The following AIFM2 variants were observed in gnomAD, a reference collection of about 807,000 sequenced individuals.
AIFM2 encodes the protein ferroptosis suppressor protein 1.
A neutral mutation model predicts 35.7 loss-of-function variants in AIFM2; 38 were observed. That is an observed-to-expected ratio of 1.06 (90% CI 0.82 to 1.39). The LOEUF (loss-of-function observed/expected upper bound fraction) is 1.39. Among genes scored for constraint, AIFM2 ranks in the 40% most tolerant of loss-of-function variants. AIFM2 has a pLI of 0.00. For synonymous variants in AIFM2, 185 were observed against 203.5 expected (o/e 0.91, Z 0.77); for missense variants, 476 against 491.2 (o/e 0.97, Z 0.29).
Position 70,114,243 on chromosome 10 carries a change from GCCGA to G in AIFM2, c.1053_1056del (p.Arg352Ter). The G allele has an allele frequency of 6.2e-7, 1 of 1,613,876 alleles. No homozygotes were observed. Among genetic ancestry groups the G allele is most frequent in the Non-Finnish European group, 8.5e-7 (1 of 1,180,018 alleles). ...ACGAACAGGTCCCGGCTCTTGGTCA[GCCGA>G]ACCATGAGCCGGCCCACATAGAAGC... On this transcript the variant is annotated frameshift_variant, in exon 9 of 9. Transcript: ENST00000307864. LOFTEE classifies it high-confidence loss of function.
chr10:70,114,108 A>C lies in AIFM2; in HGVS notation c.*70T>G. ...AATAGCATTAGTTCTAGCACTTGCC[A>C]GGCGGGTGCCATGCGCCAAGCAGTC... is the stretch of plus-strand genomic sequence containing the variant. On this transcript the variant is annotated 3_prime_UTR_variant, in exon 9 of 9. Coordinates refer to ENST00000307864, the MANE Select transcript of AIFM2 (RefSeq NM_032797.6). 1 of 1,527,288 alleles carries C rather than the reference A, an allele frequency of 6.5e-7. No homozygotes were observed. Among genetic ancestry groups the C allele is most frequent in the South Asian group, 1.3e-5 (1 of 79,004 alleles). The allele number at this position is 1,527,288 out of a possible 1,614,324, so 94.6% of individuals were successfully genotyped here.
intron 1 of AIFM2, among the ~76,000 whole-genome samples, chr10:70,132,345 C>T (rs1316481628): frequency 6.6e-6 from 1 of 152,220 alleles, no homozygotes; most frequent in Non-Finnish European, 1.5e-5. Flanking sequence ...TCCGGACCGG[C>T]CGCTTCTACC....
Position 70,117,615 on chromosome 10 carries a change from C to T in AIFM2, c.616+197G>A, listed in dbSNP as rs990472888. Among the ~76,000 whole-genome samples, 1 of 152,228 alleles carries T rather than the reference C, an allele frequency of 6.6e-6. No homozygotes were observed. The highest frequency in any genetic ancestry group is 2.4e-5 in the African/African-American group (1 of 41,458). ...CCTGCCCAGGGACGGGCACAACTTC[C>T]AGCTGGACAAGGCTCAGATGGGCTT... On this transcript the variant is annotated intron_variant, in intron 6 of 8. Coordinates refer to ENST00000307864, the MANE Select transcript of AIFM2 (RefSeq NM_032797.6). This position sits in a 1 kb window ranked among gnomAD's most constrained non-coding sequence, Gnocchi z 4.7.
At chr10:70,129,468 T>C (rs1345791211) in intron 1 of AIFM2, among the ~76,000 whole-genome samples, 1 of 152,012 alleles carries the variant, frequency 6.6e-6, no homozygotes, top group East Asian at 1.9e-4. Flanking sequence ...ATAAGACACA[T>C]CCACCTCGGT....
rs757231247 is a variant in AIFM2 at position 70,116,650 on chromosome 10, G to A, written c.741C>T (p.Ile247=). The part of the protein sequence containing the change: ...NLVILCTGIK[I]NSSAYRKAFE... ...ACGCTTTGCGGTAGGCGGAGCTGTT[G>A]ATCTTGATGCCGGTGCAGAGAATCA... The change falls in exon 7 of 9, where the codon ATC becomes ATT. Residue 247 remains isoleucine, a synonymous_variant. Transcript: ENST00000307864. 6.2e-7 allele frequency: 1 copy of A among 1,614,088 alleles called. No individual in the cohort carries two copies. The highest frequency in any genetic ancestry group is 8.5e-7 in the Non-Finnish European group (1 of 1,180,014).
At chr10:70,132,299 C>T (rs904383887) in intron 1 of AIFM2, among the ~76,000 whole-genome samples, 16 of 152,326 alleles carry the variant, frequency 1.1e-4, no homozygotes, top group Middle Eastern at 6.8e-3. Flanking sequence ...CTCTTAGAGA[C>T]TGAGGTTTCT....
At position 70,120,623 on chromosome 10, in the gene AIFM2, A is replaced by G. The variant is rs1311648169; in HGVS notation, c.415-24T>C. The stretch of plus-strand genomic sequence containing the variant: ...ACCTGGAGAAGAGGACATGTGAAAC[A>G]GGGACATATGAAACACACCTACACA... On this transcript the variant is annotated intron_variant, in intron 4 of 8. Coordinates refer to ENST00000307864, the MANE Select transcript of AIFM2 (RefSeq NM_032797.6). The G allele has an allele frequency of 3.7e-6, 6 of 1,613,052 alleles. No individual in the cohort carries two copies. In the Admixed American group the frequency reaches 5.0e-5, roughly 13 times the overall value.
chr10:70,121,107 C>A lies in AIFM2; in HGVS notation c.399G>T (p.Glu133Asp). 1.2e-6 allele frequency: 2 copies of A among 1,612,796 alleles called. No individual in the cohort carries two copies. The highest frequency in any genetic ancestry group is 1.7e-6 in the Non-Finnish European group (2 of 1,179,876). ...SSQQAAIQAY[E>D]DMVRQVQRSR... ...CACAGCTCACCTGCCTCACCATGTC[C>A]TCATAGGCCTGGATAGCGGCCTGCT... The change falls in exon 4 of 9, where the codon GAG becomes GAT. Residue 133 changes from glutamate (E) to aspartate (D), a missense_variant. Transcript: ENST00000307864.
rs879303548 is a variant in AIFM2, at chr10:70,114,859, G to C, written c.970+61C>G. On this transcript the variant is annotated intron_variant, in intron 8 of 8. Transcript: ENST00000307864. ...GCCAGGTATGGGATAGCCCAAAAAG[G>C]CTTCCCCATGTTTAACCCCAAACTC... 2.7e-5 allele frequency: 42 copies of C among 1,565,880 alleles called. No homozygotes were observed. The South Asian group carries it at 2.8e-4, about 10-fold the overall frequency.
chr10:70,127,724 C>T (rs1299632439), intron 1 of AIFM2, among the ~76,000 whole-genome samples: 1 of 152,204 alleles, frequency 6.6e-6, no homozygotes, highest in Non-Finnish European at 1.5e-5. Flanking sequence ...CCTGCTTCCC[C>T]GAAAGGGCAA....
In AIFM2 at chr10:70,112,821, A is replaced by G. The variant is rs1217298159; in HGVS notation, c.*1357T>C. 6.6e-6 allele frequency: 1 copy of G among 152,264 alleles called. No individual in the cohort carries two copies. Among genetic ancestry groups the G allele is most frequent in the Non-Finnish European group, 1.5e-5 (1 of 68,078 alleles). The allele number at this position is 152,264 out of a possible 1,614,324, so 9.4% of individuals were successfully genotyped here. The stretch of plus-strand genomic sequence containing the variant: ...AGAGGAATCATTTATACACTGTAAC[A>G]TAGTCGGTGGCAGACATTAGTGCCC... On this transcript the variant is annotated 3_prime_UTR_variant, in exon 9 of 9. Transcript: ENST00000307864.
In AIFM2 at chr10:70,116,721, T is replaced by G; in HGVS notation, c.670A>C (p.Ile224Leu). ...ELPLNEYREY[I>L]KVQTDKGTEV... ...GTGCCTTTGTCCGTCTGCACTTTGA[T>G]GTACTCTCGATACTCATTGAGAGGC... The change falls in exon 7 of 9, where the codon ATC becomes CTC. Residue 224 changes from isoleucine to leucine, a missense_variant. Coordinates refer to ENST00000307864, the MANE Select transcript of AIFM2 (RefSeq NM_032797.6). The G allele has an allele frequency of 6.2e-7, 1 of 1,614,170 alleles. No individual in the cohort carries two copies. The highest frequency in any genetic ancestry group is 8.5e-7 in the Non-Finnish European group (1 of 1,180,030).
chr10:70,130,830 T>G (rs1272978094), intron 1 of AIFM2, among the ~76,000 whole-genome samples: 1 of 152,184 alleles, frequency 6.6e-6, no homozygotes, highest in East Asian at 1.9e-4. Context: ...TTCAAGAATG[T>G]TAGCTTAAAA....
At chr10:70,118,531 T>C (rs542198306) in intron 5 of AIFM2, among the ~76,000 whole-genome samples, 6 of 152,356 alleles carry the variant, frequency 3.9e-5, no homozygotes, top group African/African-American at 7.2e-5. Context: ...GTACAAAGCA[T>C]GTAACTCAGC....
At position 70,117,983 on chromosome 10, in the gene AIFM2, C is replaced by A; in HGVS notation, c.508-63G>T. On this transcript the variant is annotated intron_variant, in intron 5 of 8. Transcript: ENST00000307864. This position sits in a 1 kb window ranked among gnomAD's most constrained non-coding sequence, Gnocchi z 4.7. ...CCCAAGTCTTCAAACACAATCATTG[C>A]ACGAACGTCCACCTCCACTCATACC... The A allele has an allele frequency of 1.7e-6, 2 of 1,155,578 alleles. No individual in the cohort carries two copies. Among genetic ancestry groups the A allele is most frequent in the Middle Eastern group, 1.9e-4 (1 of 5,206 alleles). 71.6% of individuals were successfully genotyped at this position (1,155,578 alleles called of 1,614,324 possible).
Position 70,132,790 on chromosome 10 carries a change from C to G in AIFM2, c.-70G>C, listed in dbSNP as rs1220018058. 1 of 153,306 alleles carries G rather than the reference C, an allele frequency of 6.5e-6. No homozygotes were observed. The allele number at this position is 153,306 out of a possible 1,614,324, so 9.5% of individuals were successfully genotyped here. Reference sequence around the variant, plus strand: ...GCTCCCGCTCCCGCTCCCGCTCCCGCTTGGTCGTCTTCCCGAGTTACTGAC... The same window carrying G: ...GCTCCCGCTCCCGCTCCCGCTCCCGGTTGGTCGTCTTCCCGAGTTACTGAC... On this transcript the variant is annotated 5_prime_UTR_variant, in exon 1 of 9. Transcript: ENST00000307864.
At chr10:70,129,999 T>C (rs1589853521) in intron 1 of AIFM2, among the ~76,000 whole-genome samples, 1 of 151,910 alleles carries the variant, frequency 6.6e-6, no homozygotes, top group East Asian at 1.9e-4. Context: ...GCCTGGGCAA[T>C]ATGGTGAAAC....
chr10:70,132,434 G>A (rs2072636472), intron 1 of AIFM2, among the ~76,000 whole-genome samples: 1 of 152,210 alleles, frequency 6.6e-6, no homozygotes, highest in African/African-American at 2.4e-5. Context: ...CGCCCTTCCC[G>A]GCCTAAGCCC....
At chr10:70,119,103 T>C (rs1192326596) in intron 5 of AIFM2, among the ~76,000 whole-genome samples, 1 of 152,212 alleles carries the variant, frequency 6.6e-6, no homozygotes, top group African/African-American at 2.4e-5. Flanking sequence ...CATGTCCACA[T>C]GCCAGGACAG....
Sources: gnomAD v4.1 joint callset for allele counts (sites outside exome capture counted in the v4.1 genomes callset) on GRCh38, gnomAD v4.1.1 for gene constraint, Gnocchi (gnomAD v3.1) non-coding constraint, MANE v1.5 for transcripts, NCBI Gene and HGNC (gene_info 2026-07-23, HGNC 2026-07-21) for gene names.